Variants in EPHA6 observed in about 807,000 individuals in gnomAD.
The protein encoded by EPHA6 is EPH receptor A6, also known as ephrin type-A receptor 6.
Under a neutral mutation model 112.0 loss-of-function variants are expected in EPHA6, and 50 were observed. The observed-to-expected ratio is 0.45, with a 90% CI of 0.36 to 0.56. The LOEUF (loss-of-function observed/expected upper bound fraction) is 0.56. Ranked by LOEUF, EPHA6 falls within the 20% of genes least tolerant of loss-of-function variation. The probability of loss-of-function intolerance (pLI) is 0.00; values close to 1 mark genes in which losing one functional copy is unlikely to be tolerated. For missense variants in EPHA6, 1,280 were observed against 1,417.4 expected, an observed-to-expected ratio of 0.90 and a Z score of 1.56; for synonymous variants, 529 against 490.7, an observed-to-expected ratio of 1.08 and a Z score of -1.03.
At chr3:96,949,612 G>A (rs2041440822) in intron 2 of EPHA6, among the ~76,000 whole-genome samples, 1 of 152,086 alleles carries the variant, frequency 6.6e-6, no homozygotes, top group Non-Finnish European at 1.5e-5. Flanking sequence ...GGATTACAAT[G>A]GGTAATAAAT....
intron 3 of EPHA6, among the ~76,000 whole-genome samples, chr3:97,140,790 G>A (rs1483136183): frequency 6.6e-6 from 1 of 152,148 alleles, no homozygotes; most frequent in East Asian, 1.9e-4. Context: ...AAGCAACTAG[G>A]TAACAACATT....
intron 2 of EPHA6, among the ~76,000 whole-genome samples, chr3:96,976,403 C>A (rs2042524002): frequency 6.6e-6 from 1 of 152,088 alleles, no homozygotes; most frequent in East Asian, 1.9e-4. Flanking sequence ...TACACTTAAA[C>A]CTGCACTAAA....
intron 4 of EPHA6, among the ~76,000 whole-genome samples, chr3:97,235,993 G>A (rs2078667432): frequency 6.6e-6 from 1 of 151,976 alleles, no homozygotes; most frequent in South Asian, 2.1e-4. Context: ...AAAGAAAGCT[G>A]AATGTTTTAT....
intron 3 of EPHA6, among the ~76,000 whole-genome samples, chr3:97,022,906 C>T (rs1243133340): frequency 6.6e-6 from 1 of 152,180 alleles, no homozygotes; most frequent in Non-Finnish European, 1.5e-5. Context: ...CCAGCTTGAG[C>T]ACAGCAGCAT....
intron 6 of EPHA6, among the ~76,000 whole-genome samples, chr3:97,445,412 C>CA (rs1415615213): frequency 6.6e-6 from 1 of 152,104 alleles, no homozygotes; most frequent in Non-Finnish European, 1.5e-5. Flanking sequence ...TCTTAATCCA[C>CA]AAAAATGTGC....
chr3:97,747,453 A>C lies in EPHA6; in HGVS notation c.3159A>C (p.Glu1053Asp). The change falls in exon 17 of 18, where the codon GAA (glutamate) becomes GAC (aspartate). Residue 1053 changes from glutamate (E) to aspartate (D), a missense_variant. Glu to Asp is a conservative substitution (Grantham distance 45). Coordinates refer to ENST00000389672, the MANE Select transcript of EPHA6 (RefSeq NM_001080448.3). ...CAGAGTCCCCTGGTGAAGTTCCGGA[A>C]TATCCTTTGTTTGTCACAGTTGGTG... ...VMPESPGEVP[E>D]YPLFVTVGDW... 1 of 1,591,372 alleles carries C rather than the reference A, an allele frequency of 6.3e-7. No individual in the cohort carries two copies. Among genetic ancestry groups the C allele is most frequent in the Non-Finnish European group, 8.6e-7 (1 of 1,168,184 alleles).
At chr3:96,991,157 A>C (rs1049996806) in intron 3 of EPHA6, among the ~76,000 whole-genome samples, 5 of 152,092 alleles carry the variant, frequency 3.3e-5, no homozygotes, top group African/African-American at 1.2e-4. Flanking sequence ...TTCCAGCCCC[A>C]AACTATTGAT....
intron 2 of EPHA6, among the ~76,000 whole-genome samples, chr3:96,972,463 G>T (rs889205212): frequency 1.4e-5 from 2 of 140,120 alleles, no homozygotes; most frequent in African/African-American, 5.3e-5. Context: ...ACACACACAC[G>T]TATTTAGGAA....
chr3:96,880,504 CA>C (rs1267422990), intron 2 of EPHA6, among the ~76,000 whole-genome samples: 1 of 152,066 alleles, frequency 6.6e-6, no homozygotes, highest in Non-Finnish European at 1.5e-5. Flanking sequence ...GGAAACACCT[CA>C]GCTAATATTT....
chr3:97,720,679 G>A (rs1364253384), intron 15 of EPHA6, among the ~76,000 whole-genome samples: 1 of 152,166 alleles, frequency 6.6e-6, no homozygotes, highest in Non-Finnish European at 1.5e-5. Context: ...GTCTGACTGT[G>A]TTTGTGCAAT....
chr3:97,700,690 A>G (rs1228445576), intron 14 of EPHA6, among the ~76,000 whole-genome samples: 1 of 152,210 alleles, frequency 6.6e-6, no homozygotes, highest in East Asian at 1.9e-4. Flanking sequence ...AAAAAGAAAT[A>G]CACCACACAC....
chr3:96,955,192 G>C (rs564345089), intron 2 of EPHA6, among the ~76,000 whole-genome samples: 1 of 152,222 alleles, frequency 6.6e-6, no homozygotes. Context: ...TAGTAGAAAT[G>C]CTGTATCAAA....
intron 14 of EPHA6, chr3:97,648,436 A>G (rs2094083806): frequency 1.4e-6 from 2 of 1,391,126 alleles, no homozygotes; most frequent in South Asian, 1.9e-5. Flanking sequence ...AAGGTATTTA[A>G]TGTGTATTTT....
intron 6 of EPHA6, chr3:97,439,488 A>G (rs1479468243): frequency 4.1e-6 from 1 of 242,370 alleles, no homozygotes; most frequent in Non-Finnish European, 6.7e-6. Context: ...ACCCCTCACC[A>G]TTAGAAATTT....
intron 5 of EPHA6, among the ~76,000 whole-genome samples, chr3:97,399,677 A>G (rs1180740968): frequency 6.6e-6 from 1 of 151,620 alleles, no homozygotes; most frequent in Admixed American, 6.6e-5. Flanking sequence ...CATTTTCCTG[A>G]TGATTAGTGA....
At chr3:97,277,999 T>C (rs1168294309) in intron 5 of EPHA6, among the ~76,000 whole-genome samples, 6 of 152,252 alleles carry the variant, frequency 3.9e-5, no homozygotes, top group African/African-American at 1.4e-4. Flanking sequence ...CTAGGACCAC[T>C]GTCATATGCT....
At chr3:97,114,472 CA>C (rs1328295623) in intron 3 of EPHA6, among the ~76,000 whole-genome samples, 2 of 151,934 alleles carry the variant, frequency 1.3e-5, no homozygotes, top group Non-Finnish European at 2.9e-5. Flanking sequence ...TTACCGCACT[CA>C]AGAACACCTG....
rs2035327030 is a variant in EPHA6 at position 96,850,657 on chromosome 3, A to C, written c.386-16168A>C. ...ACAGAATCTGAAGACATATTCTTTC[A>C]CACTGCAAGGTTTCAGGTTTTAAGC... On this transcript the variant is annotated intron_variant, in intron 1 of 17. Transcript: ENST00000389672. 3.9e-5 allele frequency among the ~76,000 whole-genome samples: 6 copies of C among 152,248 alleles called. No homozygotes were observed. The South Asian group carries it at 1.2e-3, about 32-fold the overall frequency.
intron 2 of EPHA6, among the ~76,000 whole-genome samples, chr3:96,904,552 A>G (rs1316330352): frequency 2.6e-5 from 4 of 151,718 alleles, no homozygotes; most frequent in Non-Finnish European, 5.9e-5. Context: ...GCACATGTAT[A>G]CATATGTAAC....
Sources: gnomAD v4.1 joint callset for allele counts (sites outside exome capture counted in the v4.1 genomes callset) on GRCh38, gnomAD v4.1.1 for gene constraint, MANE v1.5 for transcripts, NCBI Gene and HGNC (gene_info 2026-07-23, HGNC 2026-07-21) for gene names.